PIK3R3: variants seen among roughly 807,000 people sequenced by gnomAD.
The protein encoded by PIK3R3 is phosphatidylinositol 3-kinase regulatory subunit gamma.
Under a neutral mutation model 62.9 loss-of-function variants are expected in PIK3R3, and 64 were observed. The ratio of observed to expected loss-of-function variants is 1.02; its 90% confidence interval spans 0.83 to 1.25. The LOEUF (loss-of-function observed/expected upper bound fraction) is 1.25, where lower values mean the gene tolerates loss of function less well. Ranked by LOEUF, PIK3R3 falls within the 50% of genes most tolerant of loss-of-function variation. PIK3R3 has a pLI of 0.00. For missense variants in PIK3R3, 614 were observed against 561.6 expected, an observed-to-expected ratio of 1.09 and a Z score of -0.94; for synonymous variants, 165 against 189.0, an observed-to-expected ratio of 0.87 and a Z score of 1.04.
In PIK3R3 at chr1:46,132,458, A is replaced by T. The variant is rs940906061; in HGVS notation, c.-506T>A. On this transcript the variant is annotated 5_prime_UTR_variant, in exon 1 of 10. Coordinates refer to ENST00000262741, the MANE Select transcript of PIK3R3 (RefSeq NM_003629.4). Reference sequence around the variant, plus strand: ...GGTCCCACTGGTCTGCAGAGAGCGAATCCCCCAGAGGCCGGGACTCGGGCT... The same window carrying T: ...GGTCCCACTGGTCTGCAGAGAGCGATTCCCCCAGAGGCCGGGACTCGGGCT... 1 of 1,192,140 alleles carries T rather than the reference A, an allele frequency of 8.4e-7. No individual in the cohort carries two copies. The highest frequency in any genetic ancestry group is 1.1e-6 in the Non-Finnish European group (1 of 943,558). 73.8% of individuals were successfully genotyped at this position (1,192,140 alleles called of 1,614,324 possible).
intron 6 of PIK3R3, 96 bp from the exon 7 acceptor site, chr1:46,056,067 T>C: frequency 1.3e-6 from 1 of 741,578 alleles, no homozygotes; most frequent in Non-Finnish European, 2.1e-6. Flanking sequence ...TTTTTTTCCC[T>C]TGAGATTGAG....
chr1:46,157,007 G>T, the PIK3R3 span, among the ~76,000 whole-genome samples: 1 of 152,258 alleles, frequency 6.6e-6, no homozygotes, highest in South Asian at 2.1e-4. Context: ...TCTGTCAATA[G>T]GAAAATTACA....
chr1:46,068,949 C>A (rs1649252943), intron 3 of PIK3R3, among the ~76,000 whole-genome samples: 1 of 152,092 alleles, frequency 6.6e-6, no homozygotes, highest in Non-Finnish European at 1.5e-5. Context: ...AAAGACTGTT[C>A]AAAGGAGGCA....
At chr1:46,093,854 CAAA>C (rs1165093882) in intron 1 of PIK3R3, among the ~76,000 whole-genome samples, 1 of 70,364 alleles carries the variant, frequency 1.4e-5, no homozygotes, top group Admixed American at 1.6e-4. Context: ...GACTCCATCT[CAAA>C]AAAAAAAAAA....
the PIK3R3 span, among the ~76,000 whole-genome samples, chr1:46,156,778 A>G: frequency 6.6e-6 from 1 of 152,180 alleles, no homozygotes; most frequent in Admixed American, 6.6e-5. Flanking sequence ...CAGTCACGTT[A>G]TCAGTTCCCT....
chr1:46,149,405 G>A, the PIK3R3 span, among the ~76,000 whole-genome samples: 1 of 118,836 alleles, frequency 8.4e-6, no homozygotes, highest in Non-Finnish European at 1.6e-5. Context: ...CTGGGCGACA[G>A]AGCAAGACTC....
intron 1 of PIK3R3, among the ~76,000 whole-genome samples, chr1:46,109,335 GTA>G (rs1653518576): frequency 6.6e-6 from 1 of 152,098 alleles, no homozygotes. Context: ...ACATAAATAT[GTA>G]TCTTGTTAAG....
the PIK3R3 span, among the ~76,000 whole-genome samples, chr1:46,169,820 T>G: frequency 2.0e-5 from 3 of 152,240 alleles, no homozygotes; most frequent in African/African-American, 7.2e-5. Context: ...TTCCTGAGTT[T>G]GCAGTAGTTT....
chr1:46,129,346 TA>T (rs1553157424), intron 1 of PIK3R3, among the ~76,000 whole-genome samples: 1 of 152,028 alleles, frequency 6.6e-6, no homozygotes, highest in Non-Finnish European at 1.5e-5. Flanking sequence ...ACTAGAAAAT[TA>T]AGTTGGAAGC....
At chr1:46,120,637 A>G (rs918895551) in intron 1 of PIK3R3, among the ~76,000 whole-genome samples, 1 of 152,230 alleles carries the variant, frequency 6.6e-6, no homozygotes, top group Non-Finnish European at 1.5e-5. Flanking sequence ...AGTAAAAAAT[A>G]ACTTGCTAAT....
the PIK3R3 span, among the ~76,000 whole-genome samples, chr1:46,161,990 G>A: frequency 6.6e-6 from 1 of 151,874 alleles, no homozygotes; most frequent in African/African-American, 2.4e-5. Flanking sequence ...TGCTTGGGAG[G>A]CTGAGGCAGG....
At chr1:46,155,974 A>G in the PIK3R3 span, among the ~76,000 whole-genome samples, 1 of 152,288 alleles carries the variant, frequency 6.6e-6, no homozygotes, top group Non-Finnish European at 1.5e-5. Flanking sequence ...AAGGCCTAAG[A>G]TATTTACTAT....
At chr1:46,129,077 A>G (rs1655342224) in intron 1 of PIK3R3, among the ~76,000 whole-genome samples, 1 of 152,094 alleles carries the variant, frequency 6.6e-6, no homozygotes, top group Non-Finnish European at 1.5e-5. Context: ...CCTCAGGAAA[A>G]AAAAAAAAAG....
the PIK3R3 span, among the ~76,000 whole-genome samples, chr1:46,148,432 T>C: frequency 6.6e-6 from 1 of 152,200 alleles, no homozygotes; most frequent in African/African-American, 2.4e-5. Flanking sequence ...TTACATTGCA[T>C]CCAACTAGCA....
chr1:46,139,965 CT>C, the PIK3R3 span, among the ~76,000 whole-genome samples: 1 of 152,094 alleles, frequency 6.6e-6, no homozygotes. Context: ...TCTGTCATAC[CT>C]ATGAACTGCT....
intron 1 of PIK3R3, among the ~76,000 whole-genome samples, chr1:46,100,277 T>A (rs1652532562): frequency 1.3e-5 from 2 of 152,198 alleles, no homozygotes. Flanking sequence ...GTTTAACTTT[T>A]CACATTAACA....
At chr1:46,072,245 CA>C (rs1293302878) in intron 3 of PIK3R3, among the ~76,000 whole-genome samples, 1 of 152,200 alleles carries the variant, frequency 6.6e-6, no homozygotes, top group African/African-American at 2.4e-5. Context: ...TTCCCAGAGA[CA>C]AAAGTTTTAA....
rs1460962594 is a variant in PIK3R3, at chr1:46,044,067, G to A, written c.1188-196C>T. On this transcript the variant is annotated intron_variant, in intron 9 of 9. Transcript: ENST00000262741. This position sits in a 1 kb window ranked among gnomAD's most constrained non-coding sequence, Gnocchi z 4.2. ...GTGTTAAAACAACCACAAATGTAAG[G>A]GTTTATTTATTTCTTTTTTTTTTTT... is the stretch of plus-strand genomic sequence containing the variant. 6.8e-6 allele frequency among the ~76,000 whole-genome samples: 1 copy of A among 146,014 alleles called. No homozygotes were observed. The highest frequency in any genetic ancestry group is 1.5e-5 in the Non-Finnish European group (1 of 66,658).
At chr1:46,115,648 G>A (rs1654120482) in intron 1 of PIK3R3, among the ~76,000 whole-genome samples, 1 of 152,198 alleles carries the variant, frequency 6.6e-6, no homozygotes, top group Non-Finnish European at 1.5e-5. Flanking sequence ...ACTATCTGGA[G>A]AAAAACTAAA....
Sources: gnomAD v4.1 joint callset for allele counts (sites outside exome capture counted in the v4.1 genomes callset) on GRCh38, gnomAD v4.1.1 for gene constraint, Gnocchi (gnomAD v3.1) non-coding constraint, MANE v1.5 for transcripts, NCBI Gene and HGNC (gene_info 2026-07-23, HGNC 2026-07-21) for gene names.